GALNT12: variants seen among roughly 807,000 people sequenced by gnomAD.
GALNT12 encodes UDP-GalNAc:polypeptide N-acetylgalactosaminyltransferase 12.
GALNT12 carries 45 observed loss-of-function variants against 55.5 expected under a neutral mutation model. That is an observed-to-expected ratio of 0.81 (90% CI 0.64 to 1.04). GALNT12 has a LOEUF of 1.04. Among genes scored for constraint, GALNT12 ranks in the 50% least tolerant of loss-of-function variants. The pLI is 0.00. For missense variants in GALNT12, 709 were observed against 754.8 expected, an observed-to-expected ratio of 0.94 and a Z score of 0.71; for synonymous variants, 304 against 312.2, an observed-to-expected ratio of 0.97 and a Z score of 0.28.
At chr9:98,815,846 C>G (rs1835598356) in intron 1 of GALNT12, among the ~76,000 whole-genome samples, 1 of 152,212 alleles carries the variant, frequency 6.6e-6, no homozygotes, top group Non-Finnish European at 1.5e-5. Context: ...CGCTCACATA[C>G]ACGTTGTTGT....
At chr9:98,810,990 G>A (rs1049949365) in intron 1 of GALNT12, among the ~76,000 whole-genome samples, 3 of 152,240 alleles carry the variant, frequency 2.0e-5, no homozygotes, top group East Asian at 1.9e-4. Context: ...AGATGATAGC[G>A]GGTCAAAGTG....
At chr9:98,835,896 C>T (rs12002507) in intron 5 of GALNT12, among the ~76,000 whole-genome samples, 6,385 of 152,202 alleles carry the variant, frequency 0.042, 172 homozygotes, top group Non-Finnish European at 0.063. Context: ...CCATCATGCC[C>T]GGCTAATTTT....
At chr9:98,821,139 A>G (rs1215462935) in intron 1 of GALNT12, among the ~76,000 whole-genome samples, 1 of 152,120 alleles carries the variant, frequency 6.6e-6, no homozygotes, top group Non-Finnish European at 1.5e-5. Flanking sequence ...CTCCCTGAGT[A>G]GCTGAGGTTA....
intron 1 of GALNT12, among the ~76,000 whole-genome samples, chr9:98,818,335 G>C (rs1394393971): frequency 2.0e-5 from 3 of 152,038 alleles, no homozygotes; most frequent in African/African-American, 7.3e-5. Context: ...CCATTCTCCT[G>C]CCTCAGCCTC....
chr9:98,821,624 C>CAAAAAAAA (rs11467276), intron 1 of GALNT12, among the ~76,000 whole-genome samples: 3 of 112,030 alleles, frequency 2.7e-5, no homozygotes, highest in Non-Finnish European at 5.6e-5. Context: ...GACTCCATCT[C>CAAAAAAAA]AAAAAAAAAA....
Position 98,814,822 on chromosome 9 carries a change from T to TACCCAGTAGGGTTGTTAG in GALNT12, c.371+6753_371+6754insACCCAGTAGGGTTGTTAG, listed in dbSNP as rs1311494436. Among the ~76,000 whole-genome samples, 7 of 152,294 alleles carry TACCCAGTAGGGTTGTTAG rather than the reference T, an allele frequency of 4.6e-5. No individual in the cohort carries two copies. In the East Asian group the frequency reaches 5.8e-4, roughly 13 times the overall value. On this transcript the variant is annotated intron_variant, in intron 1 of 9. Coordinates refer to ENST00000375011, the MANE Select transcript of GALNT12 (RefSeq NM_024642.5). ...CAGTAGGGTTGTTAGGAAGGCTACA[T>TACCCAGTAGGGTTGTTAG]GAAGTAATGTGTATAAAATGCTTAT...
intron 1 of GALNT12, among the ~76,000 whole-genome samples, chr9:98,817,105 C>T (rs760587559): frequency 2.6e-4 from 39 of 152,068 alleles, no homozygotes; most frequent in Non-Finnish European, 3.4e-4. Flanking sequence ...GGATTACAGG[C>T]GTGGGCCACT....
chr9:98,842,440 A>G (rs987531884), intron 7 of GALNT12, among the ~76,000 whole-genome samples: 2 of 152,062 alleles, frequency 1.3e-5, no homozygotes, highest in Non-Finnish European at 2.9e-5. Flanking sequence ...TCTCCTGCCA[A>G]GGCCTCCCAA....
At chr9:98,845,094 GT>G (rs1423373187) in intron 8 of GALNT12, among the ~76,000 whole-genome samples, 1 of 152,066 alleles carries the variant, frequency 6.6e-6, no homozygotes, top group African/African-American at 2.4e-5. Context: ...AATTATTTAG[GT>G]TTTCAACACT....
chr9:98,829,152 TTTATC>T (rs1376599010), intron 3 of GALNT12, among the ~76,000 whole-genome samples: 1 of 145,810 alleles, frequency 6.9e-6, no homozygotes, highest in Admixed American at 7.1e-5. Flanking sequence ...AGTAATTTTT[TTTATC>T]TATCTATCTA....
chr9:98,807,766 T>G lies in GALNT12; in HGVS notation c.68T>G (p.Val23Gly). The G allele has an allele frequency of 8.5e-7, 1 of 1,172,820 alleles. No homozygotes were observed. Among genetic ancestry groups the G allele is most frequent in the Non-Finnish European group, 1.1e-6 (1 of 945,052 alleles). The allele number at this position is 1,172,820 out of a possible 1,614,324, so 72.7% of individuals were successfully genotyped here. A position where few individuals can be genotyped will look rare whatever the true frequency, so the allele number is the denominator to read the frequency against. The change falls in exon 1 of 10, where the codon GTG becomes GGG. Residue 23 changes from valine (V) to glycine (G), a missense_variant. Coordinates refer to ENST00000375011, the MANE Select transcript of GALNT12 (RefSeq NM_024642.5). ...ELRRGREALL[V>G]LLALLALAGL... ...CGGCGCGGCCGGGAGGCGCTGTTGGTGCTCCTGGCGCTACTGGCGTTGGCC... is the reference window on the plus strand; with the variant it reads ...CGGCGCGGCCGGGAGGCGCTGTTGGGGCTCCTGGCGCTACTGGCGTTGGCC...
intron 3 of GALNT12, among the ~76,000 whole-genome samples, chr9:98,828,955 G>A (rs1456619575): frequency 5.9e-5 from 9 of 151,904 alleles, no homozygotes; most frequent in Non-Finnish European, 2.9e-5. Flanking sequence ...TCAGCTTCCT[G>A]AGTAGCTGGG....
At chr9:98,841,972 C>A (rs1836300010) in intron 7 of GALNT12, among the ~76,000 whole-genome samples, 1 of 152,140 alleles carries the variant, frequency 6.6e-6, no homozygotes, top group Admixed American at 6.5e-5. Context: ...GCCACCATGC[C>A]CGGCCAAGGC....
At chr9:98,808,847 C>T (rs910273369) in intron 1 of GALNT12, among the ~76,000 whole-genome samples, 2 of 152,222 alleles carry the variant, frequency 1.3e-5, no homozygotes, top group African/African-American at 4.8e-5. Flanking sequence ...CGCTGGGCCT[C>T]CCGGGCTCTC....
At chr9:98,842,777 G>A (rs548456620) in intron 7 of GALNT12, among the ~76,000 whole-genome samples, 3 of 151,340 alleles carry the variant, frequency 2.0e-5, no homozygotes, top group Admixed American at 6.6e-5. Flanking sequence ...GAGAGCCACC[G>A]TTGTAACTTA....
At chr9:98,813,744 C>T (rs570183502) in intron 1 of GALNT12, among the ~76,000 whole-genome samples, 4 of 152,006 alleles carry the variant, frequency 2.6e-5, no homozygotes, top group Non-Finnish European at 4.4e-5. Flanking sequence ...AGGTGATCCA[C>T]CTACCTTGGC....
intron 4 of GALNT12, 124 bp from the exon 5 acceptor site, chr9:98,835,125 G>C (rs1836106107): frequency 1.3e-6 from 1 of 789,614 alleles, no homozygotes; most frequent in Non-Finnish European, 2.3e-6. Flanking sequence ...GCACAGAGGT[G>C]AAGGCGGGAT....
At chr9:98,815,252 A>G (rs1022334203) in intron 1 of GALNT12, among the ~76,000 whole-genome samples, 1 of 152,172 alleles carries the variant, frequency 6.6e-6, no homozygotes, top group African/African-American at 2.4e-5. Flanking sequence ...ATTGCAACCA[A>G]CCTGGTTTTC....
chr9:98,835,759 G>A (rs1244963441), intron 5 of GALNT12, among the ~76,000 whole-genome samples: 1 of 150,248 alleles, frequency 6.7e-6, no homozygotes, highest in Admixed American at 6.6e-5. Flanking sequence ...TTTTTGAGAC[G>A]GAGTCTCGCT....
Sources: allele counts gnomAD v4.1 joint callset (sites outside exome capture counted in the v4.1 genomes callset), GRCh38; gene constraint gnomAD v4.1.1; transcripts MANE v1.5; gene names NCBI Gene and HGNC (gene_info 2026-07-23, HGNC 2026-07-21).